Variants in STARD13 observed in about 807,000 individuals in gnomAD.
STARD13 encodes StAR related lipid transfer domain containing 13.
STARD13 carries 62 observed loss-of-function variants against 106.4 expected under a neutral mutation model. That is an observed-to-expected ratio of 0.58 (90% confidence interval 0.48 to 0.72). The LOEUF (loss-of-function observed/expected upper bound fraction) is 0.72. STARD13 is among the 30% of genes least tolerant of loss of function. The pLI is 0.00. For synonymous variants in STARD13, 565 were observed against 553.0 expected (o/e 1.02, Z -0.31); for missense variants, 1,387 against 1,424.0 (o/e 0.97, Z 0.42).
downstream of STARD13, among the ~76,000 whole-genome samples, chr13:33,345,314 G>C (rs188818292): frequency 3.2e-4 from 48 of 152,294 alleles, no homozygotes; most frequent in Admixed American, 7.2e-4. Context: ...ACTCCAGGAG[G>C]GAAGAAAGAG....
chr13:33,360,872 T>C, the STARD13 span, among the ~76,000 whole-genome samples: 3 of 146,854 alleles, frequency 2.0e-5, no homozygotes, highest in East Asian at 6.3e-4. Flanking sequence ...CTGAGCTCAC[T>C]GCAAGCTCCG....
chr13:33,664,104 T>C, the STARD13 span, among the ~76,000 whole-genome samples: 2 of 152,162 alleles, frequency 1.3e-5, no homozygotes, highest in Non-Finnish European at 2.9e-5. Flanking sequence ...TAGATCCAAG[T>C]AACCACGAAT....
chr13:33,358,590 C>T, the STARD13 span, among the ~76,000 whole-genome samples: 1 of 151,038 alleles, frequency 6.6e-6, no homozygotes, highest in African/African-American at 2.4e-5. Context: ...TCTGTATCTG[C>T]TCTCTGGTGA....
the STARD13 span, among the ~76,000 whole-genome samples, chr13:33,657,715 T>C: frequency 2.7e-3 from 405 of 152,312 alleles, 2 homozygotes; most frequent in African/African-American, 8.9e-3. Context: ...TCTTGCCTCC[T>C]CTCTTTGTAA....
the STARD13 span, among the ~76,000 whole-genome samples, chr13:33,385,681 G>A: frequency 6.6e-6 from 1 of 151,358 alleles, no homozygotes; most frequent in Non-Finnish European, 1.5e-5. Flanking sequence ...CCAACGTGGT[G>A]AAACCCTGTC....
At chr13:33,501,601 A>T in the STARD13 span, among the ~76,000 whole-genome samples, 1 of 152,172 alleles carries the variant, frequency 6.6e-6, no homozygotes, top group African/African-American at 2.4e-5. Flanking sequence ...CTTTCTGCAT[A>T]TGGCTAGTCA....
chr13:33,150,190 C>T (rs1015584296), intron 3 of STARD13, among the ~76,000 whole-genome samples: 1 of 152,164 alleles, frequency 6.6e-6, no homozygotes, highest in African/African-American at 2.4e-5. Context: ...TAGGTCCAAT[C>T]AGTGATTGAC....
chr13:33,220,455 G>A (rs546129811), intron 1 of STARD13, among the ~76,000 whole-genome samples: 18 of 152,286 alleles, frequency 1.2e-4, no homozygotes, highest in African/African-American at 4.1e-4. Flanking sequence ...CACTTTGGGA[G>A]GCTGAGGCAG....
At chr13:33,461,465 A>G in the STARD13 span, among the ~76,000 whole-genome samples, 14 of 152,296 alleles carry the variant, frequency 9.2e-5, no homozygotes, top group East Asian at 2.3e-3. Flanking sequence ...CAAAGGAGGA[A>G]ACCTAGACTC....
intron 1 of STARD13, among the ~76,000 whole-genome samples, chr13:33,265,404 T>C (rs894950010): frequency 5.9e-5 from 9 of 152,196 alleles, no homozygotes; most frequent in Non-Finnish European, 2.9e-5. Flanking sequence ...GTGTAAACAA[T>C]ATGAACAGGT....
chr13:33,475,823 G>A, the STARD13 span, among the ~76,000 whole-genome samples: 1 of 152,046 alleles, frequency 6.6e-6, no homozygotes, highest in Admixed American at 6.6e-5. Flanking sequence ...TGGGCGTGGT[G>A]GCATGTGTCT....
At chr13:33,544,739 T>C in the STARD13 span, among the ~76,000 whole-genome samples, 1 of 151,160 alleles carries the variant, frequency 6.6e-6, no homozygotes, top group Admixed American at 6.6e-5. Context: ...CAGGGAAAGG[T>C]GCATGGTTTT....
upstream of STARD13, among the ~76,000 whole-genome samples, chr13:33,351,007 C>T (rs1035749642): frequency 1.3e-5 from 2 of 152,056 alleles, no homozygotes; most frequent in African/African-American, 4.8e-5. Context: ...TCCCAGTTTC[C>T]CTAAATTCAA....
chr13:33,362,826 G>A, the STARD13 span, among the ~76,000 whole-genome samples: 2 of 152,188 alleles, frequency 1.3e-5, no homozygotes, highest in Non-Finnish European at 2.9e-5. Flanking sequence ...TCACTAGACT[G>A]TAAATTCCAT....
chr13:33,416,640 C>T, the STARD13 span, among the ~76,000 whole-genome samples: 1 of 152,138 alleles, frequency 6.6e-6, no homozygotes, highest in African/African-American at 2.4e-5. Context: ...TAGATATTCA[C>T]ACGCAAAAGA....
the STARD13 span, among the ~76,000 whole-genome samples, chr13:33,470,610 G>A: frequency 6.6e-6 from 1 of 152,042 alleles, no homozygotes; most frequent in African/African-American, 2.4e-5. Context: ...TTTAATGATC[G>A]CCATTCTAAC....
At chr13:33,363,306 T>C in the STARD13 span, among the ~76,000 whole-genome samples, 1 of 152,204 alleles carries the variant, frequency 6.6e-6, no homozygotes, top group African/African-American at 2.4e-5. Flanking sequence ...AGAGCTATTT[T>C]ATTTCTTAGT....
At chr13:33,207,580 GA>G (rs1387647145) in intron 1 of STARD13, among the ~76,000 whole-genome samples, 4 of 152,130 alleles carry the variant, frequency 2.6e-5, no homozygotes, top group African/African-American at 9.7e-5. Flanking sequence ...AAAGTAACAC[GA>G]GAGATTTTGT....
At chr13:33,309,148 C>G (rs953836233) in intron 1 of STARD13, among the ~76,000 whole-genome samples, 2 of 152,166 alleles carry the variant, frequency 1.3e-5, no homozygotes, top group Non-Finnish European at 2.9e-5. Context: ...TCCAATAACT[C>G]AATACATTTT....
Sources: allele counts gnomAD v4.1 joint callset (sites outside exome capture counted in the v4.1 genomes callset), GRCh38; gene constraint gnomAD v4.1.1; transcripts MANE v1.5; gene names NCBI Gene and HGNC (gene_info 2026-07-23, HGNC 2026-07-21).